Variants in SMO observed in about 807,000 individuals in gnomAD.
The protein encoded by SMO is protein smoothened.
In SMO, 40 loss-of-function variants were observed where a neutral mutation model predicts 81.6. The observed-to-expected ratio is 0.49, with a 90% CI of 0.38 to 0.64. The LOEUF (loss-of-function observed/expected upper bound fraction) is 0.64. SMO is among the 30% of genes least tolerant of loss of function. SMO has a pLI of 0.00. For synonymous variants in SMO, 434 were observed against 432.1 expected (o/e 1.00, Z -0.05); for missense variants, 916 against 1,061.1 (o/e 0.86, Z 1.90).
rs1453673636 is a variant in SMO, at chr7:129,212,457, C to G, written c.*6C>G. The G allele has an allele frequency of 1.4e-5, 23 of 1,607,358 alleles. No individual in the cohort carries two copies. The East Asian group carries it at 5.1e-4, about 36-fold the overall frequency. On this transcript the variant is annotated 3_prime_UTR_variant, in exon 12 of 12. Coordinates refer to ENST00000249373, the MANE Select transcript of SMO (RefSeq NM_005631.5). The surrounding 1 kb of genome is among the most constrained non-coding windows in gnomAD (Gnocchi z 5.0). ...ATGCAGACTCGGACTTCTGAGCCTG[C>G]AGAGCAGGACCTGGGACAGGAAAGA...
Position 129,210,230 on chromosome 7 carries a change from A to G in SMO, c.1467-133A>G. 1.4e-6 allele frequency: 1 copy of G among 691,646 alleles called. No individual in the cohort carries two copies. 42.8% of individuals were successfully genotyped at this position (691,646 alleles called of 1,614,324 possible). On this transcript the variant is annotated intron_variant, in intron 8 of 11. Coordinates refer to ENST00000249373, the MANE Select transcript of SMO (RefSeq NM_005631.5). The surrounding 1 kb of genome is among the most constrained non-coding windows in gnomAD (Gnocchi z 4.7). ...CTGAAGCAGGAGATTGCCTGAGCCC[A>G]GGAGTTGGAAGCTGCAGTGGGTTGT...
Position 129,209,272 on chromosome 7 carries a change from G to A in SMO, c.1358-17G>A, listed in dbSNP as rs2150652725. 4 of 1,505,844 alleles carry A rather than the reference G, an allele frequency of 2.7e-6. No homozygotes were observed. The highest frequency in any genetic ancestry group is 1.7e-5 in the Admixed American group (1 of 59,876). 93.3% of individuals were successfully genotyped at this position (1,505,844 alleles called of 1,614,324 possible). A position where few individuals can be genotyped will look rare whatever the true frequency, so the allele number is the denominator to read the frequency against. On this transcript the variant is annotated splice_polypyrimidine_tract_variant and intron_variant, in intron 7 of 11. Coordinates refer to ENST00000249373, the MANE Select transcript of SMO (RefSeq NM_005631.5). Reference sequence around the variant, plus strand: ...ACTGGGCTTGGTAACGTCCTGTCCTGCCCCTGTCCTCCACAGGCATTTTTG... The same window carrying A: ...ACTGGGCTTGGTAACGTCCTGTCCTACCCCTGTCCTCCACAGGCATTTTTG...
rs187295878 is a variant in SMO, at chr7:129,189,913, T to C, written c.331+431T>C. Among the ~76,000 whole-genome samples the C allele has an allele frequency of 2.0e-5, 3 of 151,958 alleles. No homozygotes were observed. The East Asian group carries it at 5.8e-4, about 29-fold the overall frequency. On this transcript the variant is annotated intron_variant, in intron 1 of 11. Transcript: ENST00000249373. This position sits in a 1 kb window ranked among gnomAD's most constrained non-coding sequence, Gnocchi z 4.7. Reference sequence around the variant, plus strand: ...GGGGAGGGATGACGGAGGAAGAGGTTTAGACATTTGGAGGGAAGGGTAGGG... The same window carrying C: ...GGGGAGGGATGACGGAGGAAGAGGTCTAGACATTTGGAGGGAAGGGTAGGG...
In SMO at chr7:129,203,581, G is replaced by T; in HGVS notation, c.529G>T (p.Gly177Cys). Residue 177 changes from glycine to cysteine, a missense_variant, in exon 2 of 12, where the codon GGC becomes TGC. This residue lies in a region of SMO where 436 missense variants were observed against 570.9 expected (regional missense o/e 0.76). Coordinates refer to ENST00000249373, the MANE Select transcript of SMO (RefSeq NM_005631.5). ...CTGCACTCCTGACCGCTTCCCTGAAGGCTGCACGGTGAGTGCTCTGTGAGA... is the reference window on the plus strand; with the variant it reads ...CTGCACTCCTGACCGCTTCCCTGAATGCTGCACGGTGAGTGCTCTGTGAGA... Reference protein sequence around the residue: ...LRCTPDRFPEGCTNEVQNIKF... With the variant: ...LRCTPDRFPECCTNEVQNIKF... 6.3e-7 allele frequency: 1 copy of T among 1,599,420 alleles called. No individual in the cohort carries two copies.
Position 129,205,264 on chromosome 7 carries a change from C to T in SMO, c.599C>T (p.Thr200Ile), listed in dbSNP as rs2150648196. The T allele has an allele frequency of 6.2e-7, 1 of 1,614,238 alleles. No homozygotes were observed. Among genetic ancestry groups the T allele is most frequent in the Non-Finnish European group, 8.5e-7 (1 of 1,180,036 alleles). ...SGQCEVPLVR[T>I]DNPKSWYEDV... ...CAGTGCGAAGTGCCCTTGGTTCGGA[C>T]AGACAACCCCAAGAGCTGGTACGAG... Residue 200 changes from threonine to isoleucine, a missense_variant, in exon 3 of 12, where the codon ACA becomes ATA. Transcript: ENST00000249373.
Position 129,211,209 on chromosome 7 carries a change from AGACC to A in SMO, c.1801+100_1801+103del. On this transcript the variant is annotated intron_variant, in intron 10 of 11. Transcript: ENST00000249373. This position sits in a 1 kb window ranked among gnomAD's most constrained non-coding sequence, Gnocchi z 4.6. ...GCTGGGGGCACACAGATTATTTGGA[AGACC>A]GACTGTGAGGAGCAAGGCGCTCCCT... 1 of 1,350,034 alleles carries A rather than the reference AGACC, an allele frequency of 7.4e-7. No individual in the cohort carries two copies. The highest frequency in any genetic ancestry group is 1.0e-6 in the Non-Finnish European group (1 of 971,032). 83.6% of individuals were successfully genotyped at this position (1,350,034 alleles called of 1,614,324 possible).
rs772693769 is a variant in SMO, at chr7:129,205,749, G to T, written c.887G>T (p.Arg296Leu). Residue 296 changes from arginine (R) to leucine (L), a missense_variant, in exon 4 of 12, where the codon CGT becomes CTT. By Grantham distance (102) the Arg-to-Leu change is moderately radical. Coordinates refer to ENST00000249373, the MANE Select transcript of SMO (RefSeq NM_005631.5). ...MDGARREIVC[R>L]ADGTMRLGEP... ...GGTGCCCGCCGAGAGATCGTCTGCC[G>T]TGCAGATGGCACCATGAGGCTTGGG... 1.9e-6 allele frequency: 3 copies of T among 1,609,400 alleles called. No individual in the cohort carries two copies. Among genetic ancestry groups the T allele is most frequent in the Non-Finnish European group, 2.5e-6 (3 of 1,179,954 alleles).
At chr7:129,207,481 T>G (rs1217292388) in intron 6 of SMO, among the ~76,000 whole-genome samples, 1 of 152,182 alleles carries the variant, frequency 6.6e-6, no homozygotes, top group Non-Finnish European at 1.5e-5. Context: ...TTCCTCACCC[T>G]GAACTGCCAG....
Position 129,210,304 on chromosome 7 carries a change from C to CA in SMO, c.1467-52dup. On this transcript the variant is annotated intron_variant, in intron 8 of 11. Transcript: ENST00000249373. This position sits in a 1 kb window ranked among gnomAD's most constrained non-coding sequence, Gnocchi z 4.7. ...TGGGTGACAGAGCAAGATCCTATCTCAAAAAAAGAGAGAGGAAAAGAAAGG... is the reference window on the plus strand; with the variant it reads ...TGGGTGACAGAGCAAGATCCTATCTCAAAAAAAAGAGAGAGGAAAAGAAAGG... The CA allele has an allele frequency of 2.1e-6, 3 of 1,449,724 alleles. No individual in the cohort carries two copies. Among genetic ancestry groups the CA allele is most frequent in the Middle Eastern group, 1.8e-4 (1 of 5,690 alleles). 89.8% of individuals were successfully genotyped at this position (1,449,724 alleles called of 1,614,324 possible).
At chr7:129,204,864 G>T (rs1793734039) in intron 2 of SMO, among the ~76,000 whole-genome samples, 1 of 145,462 alleles carries the variant, frequency 6.9e-6, no homozygotes, top group Non-Finnish European at 1.5e-5. Context: ...ACAAAATTTA[G>T]CCGGGTGTGG....
chr7:129,193,576 G>A lies in SMO; in HGVS notation c.331+4094G>A, dbSNP rs187077043. Among the ~76,000 whole-genome samples the A allele has an allele frequency of 3.4e-3, 504 of 150,386 alleles. 4 individuals are homozygous for A. Among genetic ancestry groups the A allele is most frequent in the African/African-American group, 0.011 (469 of 40,872 alleles). On this transcript the variant is annotated intron_variant, in intron 1 of 11. Transcript: ENST00000249373. ...GATCGAGACCATCCCGGCAAACAGG[G>A]TGAAACCCCGTCTCTACTAAAAATA... is the stretch of plus-strand genomic sequence containing the variant.
At chr7:129,197,496 C>A (rs974222158) in intron 1 of SMO, among the ~76,000 whole-genome samples, 1 of 152,074 alleles carries the variant, frequency 6.6e-6, no homozygotes, top group Non-Finnish European at 1.5e-5. Flanking sequence ...GATGCGATCT[C>A]AGCTCACTGC....
chr7:129,205,499 T>C, intron 3 of SMO, 87 bp downstream of exon 3: 1 of 1,534,158 alleles, frequency 6.5e-7, no homozygotes, highest in Non-Finnish European at 9.0e-7. Context: ...GAGGTCTTGG[T>C]GGGGGTCCCC....
At position 129,188,640 on chromosome 7, in the gene SMO, A is replaced by G. The variant is rs1281291662; in HGVS notation, c.-512A>G. On this transcript the variant is annotated 5_prime_UTR_variant, in exon 1 of 12. Transcript: ENST00000249373. The surrounding 1 kb of genome is among the most constrained non-coding windows in gnomAD (Gnocchi z 4.9). ...GCTCCGCGAGGCCCGTGCATTCCAGAGAGCCCAGCGAGCTAGAGCAACAAA... is the reference window on the plus strand; with the variant it reads ...GCTCCGCGAGGCCCGTGCATTCCAGGGAGCCCAGCGAGCTAGAGCAACAAA... Among the ~76,000 whole-genome samples the G allele has an allele frequency of 1.3e-5, 2 of 151,988 alleles. No homozygotes were observed. The highest frequency in any genetic ancestry group is 2.9e-5 in the Non-Finnish European group (2 of 67,978).
Position 129,188,970 on chromosome 7 carries a change from T to A in SMO, c.-182T>A. The A allele has an allele frequency of 2.4e-6, 1 of 411,620 alleles. No individual in the cohort carries two copies. Among genetic ancestry groups the A allele is most frequent in the Non-Finnish European group, 4.0e-6 (1 of 249,042 alleles). The allele number at this position is 411,620 out of a possible 1,614,324, so 25.5% of individuals were successfully genotyped here. A position where few individuals can be genotyped will look rare whatever the true frequency, so the allele number is the denominator to read the frequency against. On this transcript the variant is annotated 5_prime_UTR_variant, in exon 1 of 12. It introduces an in-frame stop codon into an upstream open reading frame of the 5' UTR. Transcript: ENST00000249373. This position sits in a 1 kb window ranked among gnomAD's most constrained non-coding sequence, Gnocchi z 4.9. Reference sequence around the variant, plus strand: ...AACATGGGCCCCGGGTTCCAAAGTTTGCGAAGTTGGGCGCCGAGGGGCCGG... The same window carrying A: ...AACATGGGCCCCGGGTTCCAAAGTTAGCGAAGTTGGGCGCCGAGGGGCCGG...
intron 6 of SMO, among the ~76,000 whole-genome samples, chr7:129,207,468 A>G (rs901443974): frequency 1.3e-5 from 2 of 152,110 alleles, no homozygotes; most frequent in African/African-American, 2.4e-5. Flanking sequence ...TGTAAACCTC[A>G]GTTTCCTCAC....
rs114715920 is a variant in SMO at position 129,203,106 on chromosome 7, C to T, written c.332-278C>T. ...CCTCTCCAGGCTCCCTTCTAGTCAC[C>T]GTCCCTAGAGTAGAGGGCTGGGGCA... On this transcript the variant is annotated intron_variant, in intron 1 of 11. Transcript: ENST00000249373. Among the ~76,000 whole-genome samples, 278 of 152,290 alleles carry T rather than the reference C, an allele frequency of 1.8e-3. 2 individuals are homozygous for T. The highest frequency in any genetic ancestry group is 6.5e-3 in the African/African-American group (271 of 41,540).
rs989068282 is a variant in SMO, at chr7:129,212,419, A to G, written c.2332A>G (p.Thr778Ala). Residue 778 changes from threonine to alanine, a missense_variant, in exon 12 of 12, where the codon ACA (threonine) becomes GCA (alanine). Thr to Ala is a moderately conservative substitution (Grantham distance 58). Transcript: ENST00000249373. The surrounding 1 kb of genome is among the most constrained non-coding windows in gnomAD (Gnocchi z 5.0). ...PIHSRTNLMD[T>A]ELMDADSDF ...TCACTCCCGCACCAACCTGATGGACACAGAACTCATGGATGCAGACTCGGA... is the reference window on the plus strand; with the variant it reads ...TCACTCCCGCACCAACCTGATGGACGCAGAACTCATGGATGCAGACTCGGA... 51 of 1,613,460 alleles carry G rather than the reference A, an allele frequency of 3.2e-5. No homozygotes were observed. The highest frequency in any genetic ancestry group is 4.0e-5 in the Non-Finnish European group (47 of 1,179,762).
rs1356483889 is a variant in SMO at position 129,210,519 on chromosome 7, G to A, written c.1623G>A (p.Thr541=). The A allele has an allele frequency of 7.4e-6, 12 of 1,614,002 alleles. No homozygotes were observed. Among genetic ancestry groups the A allele is most frequent in the South Asian group, 1.1e-5 (1 of 91,080 alleles). The part of the protein sequence containing the change: ...AMSTWVWTKA[T]LLIWRRTWCR... The stretch of plus-strand genomic sequence containing the variant: ...GCACCTGGGTCTGGACCAAGGCCAC[G>A]CTGCTCATCTGGAGGCGTACCTGGT... The change falls in exon 9 of 12, where the codon ACG becomes ACA. Residue 541 remains threonine, a synonymous_variant. Transcript: ENST00000249373. This position sits in a 1 kb window ranked among gnomAD's most constrained non-coding sequence, Gnocchi z 4.7.
Sources: allele counts gnomAD v4.1 joint callset (sites outside exome capture counted in the v4.1 genomes callset), GRCh38; gene constraint gnomAD v4.1.1; regional missense constraint gnomAD v4.1.1; non-coding constraint Gnocchi (gnomAD v3.1); transcripts MANE v1.5; gene names NCBI Gene and HGNC (gene_info 2026-07-23, HGNC 2026-07-21).